Variants in SAA1 observed in about 807,000 individuals in gnomAD.
SAA1 encodes serum amyloid A-1 protein.
Under a neutral mutation model 9.8 loss-of-function variants are expected in SAA1, and 4 were observed. The ratio of observed to expected loss-of-function variants is 0.41; its 90% confidence interval spans 0.20 to 0.93. SAA1 has a LOEUF of 0.93. Among genes scored for constraint, SAA1 ranks in the 40% least tolerant of loss-of-function variants. The pLI is 0.33. For synonymous variants in SAA1, 47 were observed against 57.7 expected, an observed-to-expected ratio of 0.82 and a Z score of 0.84; for missense variants, 114 against 155.5, an observed-to-expected ratio of 0.73 and a Z score of 1.42.
rs1488430432 is a variant in SAA1, at chr11:18,269,893, G to C, written c.*38G>C. 6.8e-6 allele frequency: 11 copies of C among 1,611,508 alleles called. No individual in the cohort carries two copies. The highest frequency in any genetic ancestry group is 9.3e-6 in the Non-Finnish European group (11 of 1,178,748). ...CTCTGCTCTCAGGAGATCTGGCTGTGAGGCCCTCAGGGCAGGGATACAAAG... is the reference window on the plus strand; with the variant it reads ...CTCTGCTCTCAGGAGATCTGGCTGTCAGGCCCTCAGGGCAGGGATACAAAG... On this transcript the variant is annotated 3_prime_UTR_variant, in exon 4 of 4. Coordinates refer to ENST00000356524, the MANE Select transcript of SAA1 (RefSeq NM_199161.5).
chr11:18,268,025 T>G (rs1222206932), intron 2 of SAA1, among the ~76,000 whole-genome samples: 3 of 151,920 alleles, frequency 2.0e-5, no homozygotes, highest in African/African-American at 4.8e-5. Flanking sequence ...CAGCAGAGTC[T>G]GCAGAAACTG....
chr11:18,269,374 G>A, intron 3 of SAA1, 41 bp downstream of exon 3: 1 of 1,472,762 alleles, frequency 6.8e-7, no homozygotes, highest in Non-Finnish European at 9.0e-7. Context: ...GGTGAGCAGA[G>A]CTTGCCTGCC....
chr11:18,269,606 G>C, intron 3 of SAA1, 111 bp from the exon 4 acceptor site: 2 of 1,484,094 alleles, frequency 1.3e-6, no homozygotes, highest in Non-Finnish European at 1.8e-6. Context: ...CTCCTTCCTT[G>C]GCCTTTCTGG....
At chr11:18,269,385 T>C in intron 3 of SAA1, 52 bp downstream of exon 3, 1 of 1,489,672 alleles carries the variant, frequency 6.7e-7, no homozygotes, top group Non-Finnish European at 8.9e-7. Flanking sequence ...CTTGCCTGCC[T>C]TGGACAGTCA....
Position 18,266,983 on chromosome 11 carries a change from G to C in SAA1, c.91+5G>C. On this transcript the variant is annotated splice_donor_5th_base_variant and intron_variant, in intron 2 of 3. Coordinates refer to ENST00000356524, the MANE Select transcript of SAA1 (RefSeq NM_199161.5). ...TCCTTGGCGAGGCTTTTGATGGTAA[G>C]GCTTCAGAAGGTTTGCAGGATTTCT... 1 of 1,587,912 alleles carries C rather than the reference G, an allele frequency of 6.3e-7. No homozygotes were observed. The highest frequency in any genetic ancestry group is 8.6e-7 in the Non-Finnish European group (1 of 1,166,308).
intron 2 of SAA1, among the ~76,000 whole-genome samples, chr11:18,268,971 A>G (rs1858124218): frequency 6.6e-6 from 1 of 151,798 alleles, no homozygotes; most frequent in Non-Finnish European, 1.5e-5. Context: ...GGATCTTATC[A>G]TAGGCAGCTT....
chr11:18,268,557 G>T (rs1207402828), intron 2 of SAA1, among the ~76,000 whole-genome samples: 3 of 152,084 alleles, frequency 2.0e-5, no homozygotes, highest in East Asian at 3.9e-4. Flanking sequence ...TTTAGGTCGG[G>T]GTGCGGTGGC....
chr11:18,268,965 C>A (rs1036670674), intron 2 of SAA1, among the ~76,000 whole-genome samples: 6 of 151,384 alleles, frequency 4.0e-5, no homozygotes, highest in Non-Finnish European at 7.4e-5. Flanking sequence ...ACTCCTGGAT[C>A]TTATCATAGG....
At chr11:18,268,811 C>G (rs183978373) in intron 2 of SAA1, among the ~76,000 whole-genome samples, 1 of 132,950 alleles carries the variant, frequency 7.5e-6, no homozygotes, top group Non-Finnish European at 1.6e-5. Context: ...CCAGCCTGGG[C>G]GACAGAGCAA....
chr11:18,269,801 G>T lies in SAA1; in HGVS notation c.315G>T (p.Arg105Ser), dbSNP rs138257225. The stretch of plus-strand genomic sequence containing the variant: ...ATCAGGCTGCCAATGAATGGGGCAG[G>T]AGTGGCAAAGACCCCAATCACTTCC... ...LADQAANEWGRSGKDPNHFRP... is the reference protein window; with the variant it reads ...LADQAANEWGSSGKDPNHFRP... The change falls in exon 4 of 4, where the codon AGG becomes AGT. Residue 105 changes from arginine to serine, a missense_variant. Around this residue, in one of 2 missense-constraint regions of SAA1, gnomAD observed 68 missense variants for 54.7 expected, o/e 1.24. Transcript: ENST00000356524. The T allele has an allele frequency of 3.0e-5, 48 of 1,614,050 alleles. No homozygotes were observed. The African/African-American group carries it at 5.7e-4, about 19-fold the overall frequency.
chr11:18,266,908 G>T lies in SAA1; in HGVS notation c.21G>T (p.Leu7=), dbSNP rs1250604366. 1 of 1,612,378 alleles carries T rather than the reference G, an allele frequency of 6.2e-7. No homozygotes were observed. The highest frequency in any genetic ancestry group is 8.5e-7 in the Non-Finnish European group (1 of 1,179,670). ...GCACCATGAAGCTTCTCACGGGCCT[G>T]GTTTTCTGCTCCTTGGTCCTGGGTG... MKLLTG[L]VFCSLVLGVS... The change falls in exon 2 of 4, where the codon CTG becomes CTT. Residue 7 remains leucine, a synonymous_variant. Coordinates refer to ENST00000356524, the MANE Select transcript of SAA1 (RefSeq NM_199161.5).
rs1466857447 is a variant in SAA1 at position 18,269,946 on chromosome 11, A to G, written c.*91A>G. On this transcript the variant is annotated 3_prime_UTR_variant, in exon 4 of 4. Coordinates refer to ENST00000356524, the MANE Select transcript of SAA1 (RefSeq NM_199161.5). ...GGGAGAGGGTACACAATGGGTATCT[A>G]ATAAATACTTAAGAGGTGGAATTTG... 6.4e-7 allele frequency: 1 copy of G among 1,566,672 alleles called. No individual in the cohort carries two copies. Among genetic ancestry groups the G allele is most frequent in the Non-Finnish European group, 8.6e-7 (1 of 1,157,530 alleles).
Position 18,269,732 on chromosome 11 carries a change from T to C in SAA1, c.246T>C (p.Asn82=), listed in dbSNP as rs1446749023. 1 of 1,614,018 alleles carries C rather than the reference T, an allele frequency of 6.2e-7. No individual in the cohort carries two copies. The highest frequency in any genetic ancestry group is 8.5e-7 in the Non-Finnish European group (1 of 1,179,874). Residue 82 remains asparagine, a synonymous_variant, in exon 4 of 4, where the codon AAT becomes AAC. Coordinates refer to ENST00000356524, the MANE Select transcript of SAA1 (RefSeq NM_199161.5). ...AAEVITDARE[N]IQRFFGHGAE... ...TTGATTACAGCGATGCCAGAGAGAA[T>C]ATCCAGAGATTCTTTGGCCATGGTG... is the stretch of plus-strand genomic sequence containing the variant.
chr11:18,268,359 G>A (rs894239190), intron 2 of SAA1, among the ~76,000 whole-genome samples: 3 of 151,948 alleles, frequency 2.0e-5, no homozygotes, highest in African/African-American at 4.8e-5. Flanking sequence ...GTGACAGAGC[G>A]AGACTCCATC....
intron 3 of SAA1, 146 bp downstream of exon 3, chr11:18,269,479 G>T: frequency 6.8e-7 from 1 of 1,473,004 alleles, no homozygotes; most frequent in South Asian, 1.4e-5. Flanking sequence ...TGCTCAGTGT[G>T]AGGTCTGAGT....
chr11:18,268,202 C>G (rs139665820), intron 2 of SAA1, among the ~76,000 whole-genome samples: 5,634 of 150,044 alleles, frequency 0.038, 165 homozygotes, highest in African/African-American at 0.079. Context: ...GAAACCCCGT[C>G]TCTACTAAAA....
chr11:18,268,831 T>TTAAAAAA (rs1858116571), intron 2 of SAA1, among the ~76,000 whole-genome samples: 1 of 110,594 alleles, frequency 9.0e-6, no homozygotes, highest in African/African-American at 3.6e-5. Context: ...AGACTCTGTC[T>TTAAAAAA]AAAAAAAAAA....
At position 18,268,296 on chromosome 11, in the gene SAA1, C is replaced by T. The variant is rs181770891; in HGVS notation, c.92-899C>T. 9.9e-5 allele frequency among the ~76,000 whole-genome samples: 15 copies of T among 151,620 alleles called. No homozygotes were observed. In the East Asian group the frequency reaches 2.8e-3, roughly 28 times the overall value. On this transcript the variant is annotated intron_variant, in intron 2 of 3. Coordinates refer to ENST00000356524, the MANE Select transcript of SAA1 (RefSeq NM_199161.5). ...CTGAAGCACGAGAATCACTTGAACC[C>T]GAGAAGCAGAGGTTGCAGTGACTAG...
chr11:18,269,625 C>CT (rs1477849058), intron 3 of SAA1, 92 bp from the exon 4 acceptor site: 2 of 1,536,760 alleles, frequency 1.3e-6, no homozygotes, highest in Non-Finnish European at 1.8e-6. Flanking sequence ...GGGCTCCTCT[C>CT]TGAGCCCTCC....
Sources: allele counts gnomAD v4.1 joint callset (sites outside exome capture counted in the v4.1 genomes callset), GRCh38; gene constraint gnomAD v4.1.1; regional missense constraint gnomAD v4.1.1; transcripts MANE v1.5; gene names NCBI Gene and HGNC (gene_info 2026-07-23, HGNC 2026-07-21).